The following POU2F3 variants were observed in gnomAD, a reference collection of about 807,000 sequenced individuals.
POU2F3 encodes the protein POU class 2 homeobox 3, also known as POU domain, class 2, transcription factor 3.
Under a neutral mutation model 59.2 loss-of-function variants are expected in POU2F3, and 23 were observed. The observed-to-expected ratio is 0.39, with a 90% confidence interval of 0.28 to 0.55. The LOEUF is 0.55. POU2F3 is among the 20% of genes least tolerant of loss of function. The pLI is 0.66. For synonymous variants in POU2F3, 190 were observed against 214.6 expected (o/e 0.89, Z 1.00); for missense variants, 473 against 544.5 (o/e 0.87, Z 1.31).
intron 7 of POU2F3, 102 bp downstream of exon 7, chr11:120,305,314 G>A: frequency 7.4e-7 from 1 of 1,344,098 alleles, no homozygotes; most frequent in Non-Finnish European, 1.0e-6. Flanking sequence ...CGATGTGTTT[G>A]GGGTCTCCTC....
rs1166135844 is a variant in POU2F3 at position 120,319,274 on chromosome 11, A to T, written c.*882A>T. 1 of 152,314 alleles carries T rather than the reference A, an allele frequency of 6.6e-6. No homozygotes were observed. Among genetic ancestry groups the T allele is most frequent in the Admixed American group, 6.6e-5 (1 of 15,244 alleles). The allele number at this position is 152,314 out of a possible 1,614,324, so 9.4% of individuals were successfully genotyped here. A position where few individuals can be genotyped will look rare whatever the true frequency, so the allele number is the denominator to read the frequency against. ...TTCCCATTTTTTGCATTATGTTCTTAACTCCTTAATGTGGAATTTTCCAGC... is the reference window on the plus strand; with the variant it reads ...TTCCCATTTTTTGCATTATGTTCTTTACTCCTTAATGTGGAATTTTCCAGC... On this transcript the variant is annotated 3_prime_UTR_variant, in exon 13 of 13. Coordinates refer to ENST00000543440, the MANE Select transcript of POU2F3 (RefSeq NM_014352.4).
intron 2 of POU2F3, chr11:120,256,854 GTTTCA>G (rs1344401454): frequency 6.6e-6 from 1 of 152,204 alleles, no homozygotes. Flanking sequence ...TTCATATGAG[GTTTCA>G]TTTGGAGATA....
intron 5 of POU2F3, chr11:120,300,947 AC>A: frequency 2.2e-6 from 1 of 448,136 alleles, no homozygotes; most frequent in Non-Finnish European, 4.5e-6. Context: ...GATGAATGAG[AC>A]CCTATTTGAA....
chr11:120,297,752 C>G (rs1443071659), intron 3 of POU2F3, among the ~76,000 whole-genome samples: 1 of 151,918 alleles, frequency 6.6e-6, no homozygotes, highest in African/African-American at 2.4e-5. Context: ...AGAATATCAT[C>G]TCAGAATTTC....
chr11:120,257,136 T>C (rs998285836), intron 2 of POU2F3: 1 of 152,226 alleles, frequency 6.6e-6, no homozygotes, highest in African/African-American at 2.4e-5. Flanking sequence ...TCCTTATTAT[T>C]TGAAAACAGT....
intron 3 of POU2F3, among the ~76,000 whole-genome samples, chr11:120,296,164 G>C (rs1209579435): frequency 6.6e-6 from 1 of 152,194 alleles, no homozygotes; most frequent in African/African-American, 2.4e-5. Flanking sequence ...GTAAATTAGA[G>C]TCGGAGTTAG....
At chr11:120,259,651 A>G (rs1939508705) in intron 2 of POU2F3, among the ~76,000 whole-genome samples, 1 of 151,926 alleles carries the variant, frequency 6.6e-6, no homozygotes, top group African/African-American at 2.4e-5. Flanking sequence ...ATATTTCCTC[A>G]CTCCTAAGAA....
intron 3 of POU2F3, among the ~76,000 whole-genome samples, chr11:120,297,312 G>A (rs1352488211): frequency 3.9e-5 from 6 of 152,234 alleles, no homozygotes; most frequent in Non-Finnish European, 8.8e-5. Context: ...GGAAGCCCAC[G>A]CATGGGTGGT....
rs1297068726 is a variant in POU2F3 at position 120,305,625 on chromosome 11, C to G, written c.628-19C>G. 3 of 1,612,548 alleles carry G rather than the reference C, an allele frequency of 1.9e-6. No homozygotes were observed. Among genetic ancestry groups the G allele is most frequent in the Admixed American group, 1.7e-5 (1 of 59,984 alleles). On this transcript the variant is annotated intron_variant, in intron 7 of 12. Coordinates refer to ENST00000543440, the MANE Select transcript of POU2F3 (RefSeq NM_014352.4). ...GGAGGCTGCCTCTCATGTTCCTCCC[C>G]CTCGGTCCCCACGCTTAGGGAGATG...
At chr11:120,283,911 G>A (rs1265554784) in intron 3 of POU2F3, among the ~76,000 whole-genome samples, 1 of 149,284 alleles carries the variant, frequency 6.7e-6, no homozygotes, top group Non-Finnish European at 1.5e-5. Flanking sequence ...AGTTACTGGT[G>A]CATTCAGTAA....
rs1326525280 is a variant in POU2F3 at position 120,240,155 on chromosome 11, G to A, written c.-189G>A. On this transcript the variant is annotated 5_prime_UTR_variant, in exon 1 of 13. Transcript: ENST00000543440. ...TCACCTGGGGAGTGTGGCAATCCTG[G>A]CGGCGCCGAGTGTTGCCCGGGCCGG... is the stretch of plus-strand genomic sequence containing the variant. The A allele has an allele frequency of 8.3e-7, 1 of 1,203,110 alleles. No individual in the cohort carries two copies. Among genetic ancestry groups the A allele is most frequent in the Admixed American group, 4.5e-5 (1 of 22,440 alleles). The allele number at this position is 1,203,110 out of a possible 1,614,324, so 74.5% of individuals were successfully genotyped here.
intron 5 of POU2F3, chr11:120,301,429 A>C (rs1941344425): frequency 1.0e-5 from 2 of 197,002 alleles, no homozygotes; most frequent in Non-Finnish European, 2.1e-5. Flanking sequence ...TGAAGCCCTG[A>C]CTTTTTGAAA....
intron 2 of POU2F3, among the ~76,000 whole-genome samples, chr11:120,251,829 C>T (rs1481523958): frequency 7.6e-6 from 1 of 130,796 alleles, no homozygotes; most frequent in African/African-American, 2.9e-5. Flanking sequence ...GAGTCTTGCT[C>T]TGTCGCCCAG....
intron 3 of POU2F3, among the ~76,000 whole-genome samples, chr11:120,274,921 A>G (rs1940258448): frequency 6.6e-6 from 1 of 152,180 alleles, no homozygotes; most frequent in Non-Finnish European, 1.5e-5. Context: ...GAAGGTGGGG[A>G]AAACCAACAG....
rs1591415505 is a variant in POU2F3 at position 120,285,145 on chromosome 11, G to A, written c.133-13120G>A. Among the ~76,000 whole-genome samples the A allele has an allele frequency of 1.3e-5, 2 of 152,136 alleles. No homozygotes were observed. The highest frequency in any genetic ancestry group is 4.1e-4 in the South Asian group (2 of 4,822). ...TCTTATTTGGCAAAATAAAACAACT[G>A]TATCTGACTCTAAAAAAAGAAATGT... is the stretch of plus-strand genomic sequence containing the variant. On this transcript the variant is annotated intron_variant, in intron 3 of 12. Coordinates refer to ENST00000543440, the MANE Select transcript of POU2F3 (RefSeq NM_014352.4). The surrounding 1 kb of genome is among the most constrained non-coding windows in gnomAD (Gnocchi z 4.3).
chr11:120,240,222 C>T lies in POU2F3; in HGVS notation c.-122C>T, dbSNP rs1938601186. 3.2e-6 allele frequency: 4 copies of T among 1,244,520 alleles called. No homozygotes were observed. The highest frequency in any genetic ancestry group is 4.0e-6 in the Non-Finnish European group (4 of 987,816). The allele number at this position is 1,244,520 out of a possible 1,614,324, so 77.1% of individuals were successfully genotyped here. A position where few individuals can be genotyped will look rare whatever the true frequency, so the allele number is the denominator to read the frequency against. On this transcript the variant is annotated 5_prime_UTR_variant, in exon 1 of 13. Coordinates refer to ENST00000543440, the MANE Select transcript of POU2F3 (RefSeq NM_014352.4). ...ACAGTGGCGGCGACGGCTCCGGCAG[C>T]GGCTCCCGCGGCGGCGGCGGCCGGG...
At chr11:120,264,052 G>A (rs562627921) in intron 2 of POU2F3, among the ~76,000 whole-genome samples, 1 of 152,154 alleles carries the variant, frequency 6.6e-6, no homozygotes, top group Non-Finnish European at 1.5e-5. Context: ...ATAAGCCACT[G>A]ACTCTAAAAA....
At chr11:120,292,356 CA>C (rs138222063) in intron 3 of POU2F3, among the ~76,000 whole-genome samples, 2 of 148,994 alleles carry the variant, frequency 1.3e-5, no homozygotes, top group African/African-American at 4.9e-5. Flanking sequence ...TGTTAAAAAA[CA>C]AAAAAAACAA....
chr11:120,258,205 C>T (rs932662437), intron 2 of POU2F3, among the ~76,000 whole-genome samples: 9 of 152,162 alleles, frequency 5.9e-5, no homozygotes, highest in African/African-American at 2.2e-4. Flanking sequence ...TCGCTCTCTA[C>T]CCCTTCTCAC....
Sources: allele counts gnomAD v4.1 joint callset (sites outside exome capture counted in the v4.1 genomes callset), GRCh38; gene constraint gnomAD v4.1.1; non-coding constraint Gnocchi (gnomAD v3.1); transcripts MANE v1.5; gene names NCBI Gene and HGNC (gene_info 2026-07-23, HGNC 2026-07-21).